Variants in CACNA1C observed in about 807,000 individuals in gnomAD.
CACNA1C encodes the protein calcium voltage-gated channel subunit alpha1 C.
In CACNA1C, 30 loss-of-function variants were observed where a neutral mutation model predicts 229.0. The observed-to-expected ratio is 0.13, with a 90% CI of 0.10 to 0.18. The LOEUF (loss-of-function observed/expected upper bound fraction) is 0.18. Ranked by LOEUF, CACNA1C falls within the 10% of genes least tolerant of loss-of-function variation. CACNA1C has a pLI of 1.00. For synonymous variants in CACNA1C, 1,114 were observed against 1,132.5 expected (o/e 0.98, Z 0.33); for missense variants, 1,658 against 2,845.0 (o/e 0.58, Z 9.49).
At chr12:2,059,118 T>C (rs2056441911) in intron 1 of CACNA1C, among the ~76,000 whole-genome samples, 1 of 152,116 alleles carries the variant, frequency 6.6e-6, no homozygotes, top group South Asian at 2.1e-4. Flanking sequence ...GCTTCAGTGC[T>C]AGCTGTGTGT....
At chr12:2,547,456 C>T (rs2099883550) in intron 9 of CACNA1C, 1 of 779,582 alleles carries the variant, frequency 1.3e-6, no homozygotes, top group South Asian at 1.3e-5. Flanking sequence ...AAAGGAGGCA[C>T]TCCGGCGGGC....
At chr12:2,083,421 G>A (rs1434335107) in intron 1 of CACNA1C, among the ~76,000 whole-genome samples, 2 of 152,210 alleles carry the variant, frequency 1.3e-5, no homozygotes, top group African/African-American at 4.8e-5. Context: ...TCTCCCAGGG[G>A]TGTGCCAGAG....
At chr12:2,111,246 G>C (rs1317031113) in intron 1 of CACNA1C, among the ~76,000 whole-genome samples, 1 of 152,212 alleles carries the variant, frequency 6.6e-6, no homozygotes, top group Non-Finnish European at 1.5e-5. Flanking sequence ...ATATAAATAA[G>C]GTCCCTCATG....
chr12:2,626,817 G>A (rs1042948377), intron 29 of CACNA1C, among the ~76,000 whole-genome samples: 17 of 152,176 alleles, frequency 1.1e-4, no homozygotes, highest in Non-Finnish European at 2.1e-4. Flanking sequence ...CAGGCTTCAG[G>A]AGGGCTGATT....
At chr12:2,140,107 C>G (rs539471157) in intron 3 of CACNA1C, among the ~76,000 whole-genome samples, 10 of 151,442 alleles carry the variant, frequency 6.6e-5, no homozygotes, top group African/African-American at 2.4e-4. Context: ...CCTGCAGACC[C>G]CTCTCTCACT....
At position 2,346,018 on chromosome 12, in the gene CACNA1C, G is replaced by A. The variant is rs1411270640; in HGVS notation, c.478-102958G>A. ...GGGCTTGGTCTGTGAAGGAACGTGGGCCGTATGGCAGTGATGGGAGGAGGC... is the reference window on the plus strand; with the variant it reads ...GGGCTTGGTCTGTGAAGGAACGTGGACCGTATGGCAGTGATGGGAGGAGGC... On this transcript the variant is annotated intron_variant, in intron 3 of 46. Coordinates refer to ENST00000399655, the MANE Select transcript of CACNA1C (RefSeq NM_000719.7). The surrounding 1 kb of genome is among the most constrained non-coding windows in gnomAD (Gnocchi z 4.4). Among the ~76,000 whole-genome samples, 2 of 152,170 alleles carry A rather than the reference G, an allele frequency of 1.3e-5. No homozygotes were observed. The highest frequency in any genetic ancestry group is 2.4e-5 in the African/African-American group (1 of 41,420).
intron 9 of CACNA1C, chr12:2,547,615 A>G (rs1369065004): frequency 2.7e-6 from 2 of 738,438 alleles, no homozygotes; most frequent in Non-Finnish European, 5.0e-6. Flanking sequence ...CTTGTGCCGC[A>G]GTAGTTCTGT....
intron 3 of CACNA1C, among the ~76,000 whole-genome samples, chr12:2,170,089 G>A (rs148728820): frequency 1.3e-5 from 2 of 152,298 alleles, no homozygotes; most frequent in African/African-American, 4.8e-5. Flanking sequence ...TTAACCTCAT[G>A]TTTGGCTCAT....
intron 3 of CACNA1C, among the ~76,000 whole-genome samples, chr12:2,376,622 GGC>G (rs2098078657): frequency 6.6e-6 from 1 of 152,178 alleles, no homozygotes; most frequent in Non-Finnish European, 1.5e-5. Flanking sequence ...TTCTGTAATA[GGC>G]TAGGGGGCTG....
At chr12:2,378,831 C>T (rs867587518) in intron 3 of CACNA1C, among the ~76,000 whole-genome samples, 3 of 121,464 alleles carry the variant, frequency 2.5e-5, no homozygotes, top group South Asian at 2.4e-4. Flanking sequence ...TCTCTCTTTC[C>T]TTCTTTTTTT....
intron 1 of CACNA1C, among the ~76,000 whole-genome samples, chr12:2,023,596 A>G (rs1346282043): frequency 6.6e-6 from 1 of 152,176 alleles, no homozygotes; most frequent in Non-Finnish European, 1.5e-5. Flanking sequence ...AATGCCAGGA[A>G]TGCAGGTTTC....
chr12:2,359,677 G>T (rs1223043778), intron 3 of CACNA1C, among the ~76,000 whole-genome samples: 1 of 152,054 alleles, frequency 6.6e-6, no homozygotes, highest in Non-Finnish European at 1.5e-5. Flanking sequence ...TTGGAAAATA[G>T]GAGCATGGAT....
rs2097301485 is a variant in CACNA1C, at chr12:2,354,588, A to G, written c.478-94388A>G. Among the ~76,000 whole-genome samples, 1 of 152,196 alleles carries G rather than the reference A, an allele frequency of 6.6e-6. No individual in the cohort carries two copies. Among genetic ancestry groups the G allele is most frequent in the Admixed American group, 6.6e-5 (1 of 15,266 alleles). ...GCATGCTCTCCTAGCTATGCTTGTA[A>G]GAAGTGCGTGCTTCTGGTTGGGAGA... On this transcript the variant is annotated intron_variant, in intron 3 of 46. Coordinates refer to ENST00000399655, the MANE Select transcript of CACNA1C (RefSeq NM_000719.7). This position sits in a 1 kb window ranked among gnomAD's most constrained non-coding sequence, Gnocchi z 4.6.
At chr12:1,991,038 T>C in intron 1 of CACNA1C, 3 of 450,070 alleles carry the variant, frequency 6.7e-6, no homozygotes, top group Non-Finnish European at 8.9e-6. Flanking sequence ...TCCATTCCCT[T>C]TCACTCTTTG....
intron 30 of CACNA1C, among the ~76,000 whole-genome samples, chr12:2,643,520 C>A (rs1446662314): frequency 6.6e-6 from 1 of 152,218 alleles, no homozygotes; most frequent in Non-Finnish European, 1.5e-5. Flanking sequence ...GTTTAACCTT[C>A]GCCTCTCTTA....
intron 3 of CACNA1C, among the ~76,000 whole-genome samples, chr12:2,186,038 C>T (rs763081576): frequency 7.2e-5 from 11 of 152,168 alleles, no homozygotes; most frequent in East Asian, 1.9e-4. Flanking sequence ...GCACCTCACT[C>T]GGTTCCCTAC....
intron 29 of CACNA1C, among the ~76,000 whole-genome samples, chr12:2,617,481 G>C (rs1324400900): frequency 6.6e-6 from 1 of 152,250 alleles, no homozygotes; most frequent in Non-Finnish European, 1.5e-5. Flanking sequence ...TGAGCTGACA[G>C]AGGCTGTTGC....
At chr12:2,209,623 T>A (rs919842169) in intron 3 of CACNA1C, among the ~76,000 whole-genome samples, 1 of 152,312 alleles carries the variant, frequency 6.6e-6, no homozygotes, top group Middle Eastern at 3.4e-3. Flanking sequence ...GGAGCTGAAG[T>A]TTAAAATAAC....
chr12:2,096,152 G>A (rs1016133064), intron 1 of CACNA1C, among the ~76,000 whole-genome samples: 10 of 152,178 alleles, frequency 6.6e-5, no homozygotes, highest in East Asian at 1.9e-4. Context: ...ACCAGCTCTC[G>A]CAGCCAGAGG....
Sources: gnomAD v4.1 joint callset for allele counts (sites outside exome capture counted in the v4.1 genomes callset) on GRCh38, gnomAD v4.1.1 for gene constraint, Gnocchi (gnomAD v3.1) non-coding constraint, MANE v1.5 for transcripts, NCBI Gene and HGNC (gene_info 2026-07-23, HGNC 2026-07-21) for gene names.